LDLRAD3: variants seen among roughly 807,000 people sequenced by gnomAD.
LDLRAD3 encodes low-density lipoprotein receptor class A domain-containing protein 3.
Under a neutral mutation model 29.4 loss-of-function variants are expected in LDLRAD3, and 20 were observed. The observed-to-expected ratio is 0.68, with a 90% CI of 0.48 to 0.99. The LOEUF (loss-of-function observed/expected upper bound fraction) is 0.99, where lower values mean the gene tolerates loss of function less well. Ranked by LOEUF, LDLRAD3 falls within the 50% of genes least tolerant of loss-of-function variation. The pLI, the probability that LDLRAD3 is intolerant of heterozygous loss-of-function variation, is 0.00. For missense variants in LDLRAD3, 420 were observed against 454.3 expected (o/e 0.92, Z 0.69); for synonymous variants, 157 against 192.7 (o/e 0.81, Z 1.53).
At chr11:36,117,147 C>T (rs1039293202) in intron 4 of LDLRAD3, among the ~76,000 whole-genome samples, 2 of 152,078 alleles carry the variant, frequency 1.3e-5, no homozygotes, top group African/African-American at 4.8e-5. Flanking sequence ...TATGAGCCAC[C>T]GCACCTGGCC....
intron 4 of LDLRAD3, among the ~76,000 whole-genome samples, chr11:36,105,454 T>C (rs1403794943): frequency 1.3e-5 from 2 of 152,098 alleles, no homozygotes; most frequent in Admixed American, 1.3e-4. Flanking sequence ...CTTGTGTTAA[T>C]GTCCTAAACC....
chr11:36,174,556 A>T (rs1196379984), intron 4 of LDLRAD3, among the ~76,000 whole-genome samples: 1 of 152,250 alleles, frequency 6.6e-6, no homozygotes, highest in Non-Finnish European at 1.5e-5. Context: ...TGGGCAAAGT[A>T]TATAAACAGA....
intron 3 of LDLRAD3, among the ~76,000 whole-genome samples, chr11:36,092,647 C>T: frequency 6.6e-6 from 1 of 152,172 alleles, no homozygotes; most frequent in Middle Eastern, 3.2e-3. Context: ...CCTTCTCTGG[C>T]TGTCAGCTTT....
chr11:35,950,376 G>T (rs914159565), intron 1 of LDLRAD3, among the ~76,000 whole-genome samples: 6 of 152,192 alleles, frequency 3.9e-5, no homozygotes, highest in Admixed American at 1.3e-4. Flanking sequence ...TAGCTTTCAA[G>T]ATAAAATACT....
intron 4 of LDLRAD3, among the ~76,000 whole-genome samples, chr11:36,099,984 G>A (rs577978654): frequency 2.6e-5 from 4 of 152,096 alleles, no homozygotes; most frequent in South Asian, 2.1e-4. Context: ...TCCTCAGTCC[G>A]GGAGCATCAG....
intron 4 of LDLRAD3, among the ~76,000 whole-genome samples, chr11:36,141,045 GGT>G (rs1854079357): frequency 1.1e-5 from 1 of 91,172 alleles, no homozygotes; most frequent in Non-Finnish European, 2.5e-5. Flanking sequence ...TCCGTGTGGG[GGT>G]GTGCGTGTGT....
At chr11:35,999,898 GTC>G (rs1851801754) in intron 1 of LDLRAD3, among the ~76,000 whole-genome samples, 2 of 152,180 alleles carry the variant, frequency 1.3e-5, no homozygotes, top group South Asian at 2.1e-4. Flanking sequence ...CTCAGAGAAG[GTC>G]TCTGCCTGTG....
intron 4 of LDLRAD3, among the ~76,000 whole-genome samples, chr11:36,154,524 G>A (rs750145803): frequency 2.6e-5 from 4 of 152,184 alleles, no homozygotes; most frequent in Non-Finnish European, 5.9e-5. Flanking sequence ...AATCACAACA[G>A]AGGTTTAGAG....
intron 4 of LDLRAD3, among the ~76,000 whole-genome samples, chr11:36,194,323 A>G (rs1231471500): frequency 6.6e-6 from 1 of 152,202 alleles, no homozygotes; most frequent in Non-Finnish European, 1.5e-5. Flanking sequence ...TTAGTTACCC[A>G]GGGAGCTAGG....
intron 4 of LDLRAD3, among the ~76,000 whole-genome samples, chr11:36,210,685 C>T (rs1451880115): frequency 1.3e-5 from 2 of 152,078 alleles, no homozygotes; most frequent in African/African-American, 2.4e-5. Flanking sequence ...TATGAGACAT[C>T]CAAGTACCTC....
At chr11:36,214,063 T>C (rs1043967841) in intron 4 of LDLRAD3, among the ~76,000 whole-genome samples, 13 of 152,320 alleles carry the variant, frequency 8.5e-5, no homozygotes, top group Admixed American at 6.5e-4. Flanking sequence ...TGTCCCTTCA[T>C]TAAATGCTTT....
intron 4 of LDLRAD3, among the ~76,000 whole-genome samples, chr11:36,150,331 C>T (rs191210006): frequency 6.6e-6 from 1 of 151,940 alleles, no homozygotes; most frequent in African/African-American, 2.4e-5. Flanking sequence ...AGTTTGAGAA[C>T]AGCCAGGGCA....
chr11:36,116,153 C>T (rs1420403153), intron 4 of LDLRAD3, among the ~76,000 whole-genome samples: 1 of 152,180 alleles, frequency 6.6e-6, no homozygotes, highest in South Asian at 2.1e-4. Context: ...TTCCATTCCC[C>T]ATGGACCACC....
chr11:36,193,696 C>A (rs1370292883), intron 4 of LDLRAD3, among the ~76,000 whole-genome samples: 1 of 152,128 alleles, frequency 6.6e-6, no homozygotes, highest in South Asian at 2.1e-4. Context: ...TTCAAAAATT[C>A]GCCCTGACAC....
chr11:36,177,426 T>C (rs1391138555), intron 4 of LDLRAD3, among the ~76,000 whole-genome samples: 1 of 152,202 alleles, frequency 6.6e-6, no homozygotes, highest in Non-Finnish European at 1.5e-5. Context: ...TTTTTCTGGT[T>C]CCTTCTCATT....
chr11:36,221,244 G>T (rs529600433), intron 4 of LDLRAD3, among the ~76,000 whole-genome samples: 1 of 152,006 alleles, frequency 6.6e-6, no homozygotes, highest in East Asian at 1.9e-4. Flanking sequence ...CCAGTTACTC[G>T]TGAGGCTGAG....
At chr11:36,066,940 G>A (rs982661937) in intron 2 of LDLRAD3, among the ~76,000 whole-genome samples, 1 of 152,124 alleles carries the variant, frequency 6.6e-6, no homozygotes, top group African/African-American at 2.4e-5. Flanking sequence ...CCAGACTCCT[G>A]TCTGCCTCGC....
intron 2 of LDLRAD3, among the ~76,000 whole-genome samples, chr11:36,062,238 C>T (rs768159077): frequency 1.4e-4 from 22 of 152,074 alleles, no homozygotes; most frequent in Non-Finnish European, 2.9e-4. Context: ...TGGGCTATAG[C>T]CCATATGATA....
intron 1 of LDLRAD3, chr11:35,968,028 G>A (rs751453684): frequency 4.4e-6 from 2 of 457,214 alleles, no homozygotes; most frequent in Non-Finnish European, 8.8e-6. Context: ...CTTGTAGACT[G>A]TACCAAATTC....
Sources: gnomAD v4.1 joint callset for allele counts (sites outside exome capture counted in the v4.1 genomes callset) on GRCh38, gnomAD v4.1.1 for gene constraint, MANE v1.5 for transcripts, NCBI Gene and HGNC (gene_info 2026-07-23, HGNC 2026-07-21) for gene names.